The following EIF4A2 variants were observed in gnomAD, a reference collection of about 807,000 sequenced individuals.
EIF4A2 encodes eukaryotic initiation factor 4A-II.
A neutral mutation model predicts 50.6 loss-of-function variants in EIF4A2; 9 were observed. That is an observed-to-expected ratio of 0.18 (90% confidence interval 0.11 to 0.31). The LOEUF (loss-of-function observed/expected upper bound fraction) is 0.31, where lower values mean the gene tolerates loss of function less well. Ranked by LOEUF, EIF4A2 falls within the 10% of genes least tolerant of loss-of-function variation. The pLI is 1.00. For synonymous variants in EIF4A2, 215 were observed against 164.4 expected, an observed-to-expected ratio of 1.31 and a Z score of -2.35; for missense variants, 182 against 501.8, an observed-to-expected ratio of 0.36 and a Z score of 6.09.
At chr3:186,785,333 C>T (rs1049795827) in intron 4 of EIF4A2, 2 of 560,490 alleles carry the variant, frequency 3.6e-6, no homozygotes, top group Admixed American at 3.6e-5. Flanking sequence ...CTTGGATGTA[C>T]TAGATCTGTC....
chr3:186,784,426 C>T lies in EIF4A2; in HGVS notation c.30-6C>T, dbSNP rs777667562. On this transcript the variant is annotated splice_polypyrimidine_tract_variant and splice_region_variant and intron_variant, in intron 1 of 10. Transcript: ENST00000323963. ...GGGTGTCTGACTGCAGTATTCTTGT[C>T]AGCAGAGAACATGGCGGCCCAGAGG... 5 of 1,614,180 alleles carry T rather than the reference C, an allele frequency of 3.1e-6. No homozygotes were observed. Among genetic ancestry groups the T allele is most frequent in the Non-Finnish European group, 4.2e-6 (5 of 1,180,030 alleles).
In EIF4A2 at chr3:186,786,198, A is replaced by G. The variant is rs1191360840; in HGVS notation, c.552A>G (p.Glu184=). 3.1e-6 allele frequency: 5 copies of G among 1,613,978 alleles called. No individual in the cohort carries two copies. Among genetic ancestry groups the G allele is most frequent in the African/African-American group, 1.3e-5 (1 of 75,058 alleles). Reference sequence around the variant, plus strand: ...GGATCAAAATGTTTGTTTTGGATGAAGCAGATGAAATGTTGAGCCGTGGTT... The same window carrying G: ...GGATCAAAATGTTTGTTTTGGATGAGGCAGATGAAATGTTGAGCCGTGGTT... The part of the protein sequence containing the change: ...PKWIKMFVLD[E]ADEMLSRGFK... The change falls in exon 6 of 11, where the codon GAA becomes GAG. Residue 184 remains glutamate (E), a synonymous_variant. Transcript: ENST00000323963.
rs1721832097 is a variant in EIF4A2, at chr3:186,787,787, T to G, written c.1000-16T>G. 6.2e-7 allele frequency: 1 copy of G among 1,613,900 alleles called. No individual in the cohort carries two copies. Among genetic ancestry groups the G allele is most frequent in the Non-Finnish European group, 8.5e-7 (1 of 1,179,946 alleles). ...TTTTTTTGAATCAATTTTTAAAACA[T>G]GCCATTGTGTTTCAGGCTCGCGGGA... On this transcript the variant is annotated splice_polypyrimidine_tract_variant and intron_variant, in intron 9 of 10. Transcript: ENST00000323963.
In EIF4A2 at chr3:186,784,436, C is replaced by T; in HGVS notation, c.34C>T (p.His12Tyr). ...SGGSADYNRE[H>Y]GGPEGMDPDG... is the part of the protein sequence containing the mutation. ...CTGCAGTATTCTTGTCAGCAGAGAA[C>T]ATGGCGGCCCAGAGGGAATGGACCC... The change falls in exon 2 of 11, where the codon CAT (histidine) becomes TAT (tyrosine). Residue 12 changes from histidine (H) to tyrosine (Y), a missense_variant. His to Tyr is a moderately conservative substitution (Grantham distance 83, BLOSUM62 2). Coordinates refer to ENST00000323963, the MANE Select transcript of EIF4A2 (RefSeq NM_001967.4). 5 of 1,614,232 alleles carry T rather than the reference C, an allele frequency of 3.1e-6. No homozygotes were observed. Among genetic ancestry groups the T allele is most frequent in the Non-Finnish European group, 4.2e-6 (5 of 1,180,046 alleles).
chr3:186,789,725 T>TAAAAAAGCATTCAAA lies in EIF4A2; in HGVS notation c.*456_*457insAAAAAAGCATTCAAA, dbSNP rs1722003471. 1 of 407,712 alleles carries TAAAAAAGCATTCAAA rather than the reference T, an allele frequency of 2.5e-6. No individual in the cohort carries two copies. Among genetic ancestry groups the TAAAAAAGCATTCAAA allele is most frequent in the African/African-American group, 2.1e-5 (1 of 48,484 alleles). 25.3% of individuals were successfully genotyped at this position (407,712 alleles called of 1,614,324 possible). A position where few individuals can be genotyped will look rare whatever the true frequency, so the allele number is the denominator to read the frequency against. Reference sequence around the variant, plus strand: ...TTAGAAAGCATTTGAATGCATTTTGTTTGGTATTGTATTTATTCAATAAAG... The same window carrying TAAAAAAGCATTCAAA: ...TTAGAAAGCATTTGAATGCATTTTGTAAAAAAGCATTCAAATTGGTATTGTATTTATTCAATAAAG... On this transcript the variant is annotated 3_prime_UTR_variant, in exon 11 of 11. Coordinates refer to ENST00000323963, the MANE Select transcript of EIF4A2 (RefSeq NM_001967.4).
Position 186,789,195 on chromosome 3 carries a change from A to G in EIF4A2, c.1150A>G (p.Ile384Val). 1.9e-6 allele frequency: 3 copies of G among 1,613,722 alleles called. No individual in the cohort carries two copies. Among genetic ancestry groups the G allele is most frequent in the Non-Finnish European group, 2.5e-6 (3 of 1,179,808 alleles). The change falls in exon 11 of 11, where the codon ATT (isoleucine) becomes GTT (valine). Residue 384 changes from isoleucine to valine, a missense_variant. Physicochemically the swap from Ile to Val is conservative, Grantham distance 29. Around this residue, in one of 7 missense-constraint regions of EIF4A2, gnomAD observed 17 missense variants for 19.3 expected, o/e 0.88. Coordinates refer to ENST00000323963, the MANE Select transcript of EIF4A2 (RefSeq NM_001967.4). ...CTTTGTTACTGAAGAAGACAAGAGG[A>G]TTCTTCGTGACATTGAGACTTTCTA... ...INFVTEEDKR[I>V]LRDIETFYNT...
intron 10 of EIF4A2, chr3:186,788,317 T>TA (rs1283884788): frequency 7.7e-7 from 1 of 1,290,624 alleles, no homozygotes. Context: ...CAGGAGTCGA[T>TA]AGCAGCAGTT....
chr3:186,786,690 C>T (rs750374080), intron 7 of EIF4A2, 45 bp downstream of exon 7: 4 of 1,612,574 alleles, frequency 2.5e-6, no homozygotes, highest in South Asian at 1.1e-5. Flanking sequence ...CTTGTATAAG[C>T]ACTGTGCTAA....
chr3:186,784,812 A>G (rs1272427298), intron 3 of EIF4A2, 116 bp downstream of exon 3: 18 of 1,600,330 alleles, frequency 1.1e-5, no homozygotes, highest in Admixed American at 3.3e-5. Flanking sequence ...AATGATGGCA[A>G]TCATCTTTCG....
At chr3:186,787,455 C>T (rs1038119877) in intron 8 of EIF4A2, 40 bp from the exon 9 acceptor site, 13 of 1,611,988 alleles carry the variant, frequency 8.1e-6, no homozygotes, top group Non-Finnish European at 1.1e-5. Context: ...AAATACCGAC[C>T]TGACTGGTGA....
chr3:186,788,358 G>GA (rs1252817705), intron 10 of EIF4A2: 1 of 1,289,898 alleles, frequency 7.8e-7, no homozygotes, highest in Non-Finnish European at 1.0e-6. Flanking sequence ...AAACGGCGTT[G>GA]ACGTAATTTA....
intron 3 of EIF4A2, 115 bp downstream of exon 3, chr3:186,784,811 AATC>A (rs773986749): frequency 6.3e-7 from 1 of 1,599,298 alleles, no homozygotes; most frequent in Admixed American, 1.7e-5. Flanking sequence ...AAATGATGGC[AATC>A]ATCTTTCGGG....
Position 186,789,851 on chromosome 3 carries a change from G to C in EIF4A2, c.*582G>C. The C allele has an allele frequency of 1.4e-6, 1 of 726,806 alleles. No individual in the cohort carries two copies. The allele number at this position is 726,806 out of a possible 1,614,324, so 45.0% of individuals were successfully genotyped here. ...CCAGTAAAATTGCCATATTGCACAT[G>C]TCTTAATGAAGTTTGAATGTTAAAT... On this transcript the variant is annotated 3_prime_UTR_variant, in exon 11 of 11. Transcript: ENST00000323963.
chr3:186,788,268 CT>C (rs1237889532), intron 10 of EIF4A2: 33 of 1,283,066 alleles, frequency 2.6e-5, no homozygotes, highest in Non-Finnish European at 3.3e-5. Flanking sequence ...TTGAATTGTA[CT>C]TTGTTATATG....
Position 186,783,636 on chromosome 3 carries a change from A to G in EIF4A2, c.26A>G (p.Asn9Ser), listed in dbSNP as rs1418086849. The G allele has an allele frequency of 1.2e-6, 2 of 1,614,058 alleles. No individual in the cohort carries two copies. Among genetic ancestry groups the G allele is most frequent in the African/African-American group, 1.3e-5 (1 of 74,928 alleles). Residue 9 changes from asparagine to serine, a missense_variant, in exon 1 of 11, where the codon AAC (asparagine) becomes AGC (serine). Asn to Ser is a conservative substitution (Grantham distance 46, BLOSUM62 1). This residue lies in a region of EIF4A2 where 43 missense variants were observed against 22.2 expected (regional missense o/e 1.93). Transcript: ENST00000323963. Reference sequence around the variant, plus strand: ...ATGTCTGGTGGCTCCGCGGATTATAACAGGTATGCAGTCTGTTGGCGGTCG... The same window carrying G: ...ATGTCTGGTGGCTCCGCGGATTATAGCAGGTATGCAGTCTGTTGGCGGTCG... The part of the protein sequence containing the change: MSGGSADY[N>S]REHGGPEGMD...
intron 4 of EIF4A2, 53 bp downstream of exon 4, chr3:186,785,154 T>C: frequency 1.2e-6 from 2 of 1,602,838 alleles, no homozygotes; most frequent in Non-Finnish European, 1.7e-6. Flanking sequence ...AGGTTTCAGG[T>C]TTCACAACTG....
At chr3:186,784,333 G>A (rs574228755) in intron 1 of EIF4A2, 99 bp from the exon 2 acceptor site, 1 of 1,552,890 alleles carries the variant, frequency 6.4e-7, no homozygotes, top group African/African-American at 1.4e-5. Context: ...TTGTGCAGGG[G>A]AGGCTAACGT....
Position 186,789,869 on chromosome 3 carries a change from T to TGTTA in EIF4A2, c.*601_*604dup. ...TGCACATGTCTTAATGAAGTTTGAA[T>TGTTA]GTTAAATAAATTGTATATTCACTTT... On this transcript the variant is annotated 3_prime_UTR_variant, in exon 11 of 11. Transcript: ENST00000323963. The TGTTA allele has an allele frequency of 1.3e-6, 1 of 777,570 alleles. No homozygotes were observed. Among genetic ancestry groups the TGTTA allele is most frequent in the Non-Finnish European group, 2.1e-6 (1 of 479,658 alleles). The allele number at this position is 777,570 out of a possible 1,614,324, so 48.2% of individuals were successfully genotyped here. A position where few individuals can be genotyped will look rare whatever the true frequency, so the allele number is the denominator to read the frequency against.
At position 186,787,148 on chromosome 3, in the gene EIF4A2, T is replaced by A. The variant is rs1170283376; in HGVS notation, c.793T>A (p.Cys265Ser). ...EREEWKLDTL[C>S]DLYETLTITQ... is the part of the protein sequence containing the mutation. ...ACAGGAATGGAAGTTGGATACACTT[T>A]GTGACTTGTACGAGACACTGACCAT... Residue 265 changes from cysteine (C) to serine (S), a missense_variant, in exon 8 of 11, where the codon TGT becomes AGT. Cys to Ser is a moderately radical substitution (Grantham distance 112). This residue lies in a region of EIF4A2 where 113 missense variants were observed against 357.3 expected (regional missense o/e 0.32). Coordinates refer to ENST00000323963, the MANE Select transcript of EIF4A2 (RefSeq NM_001967.4). 6.2e-7 allele frequency: 1 copy of A among 1,613,904 alleles called. No homozygotes were observed. Among genetic ancestry groups the A allele is most frequent in the Non-Finnish European group, 8.5e-7 (1 of 1,179,978 alleles).
Sources: gnomAD v4.1 joint callset for allele counts on GRCh38, gnomAD v4.1.1 for gene constraint, gnomAD v4.1.1 regional missense constraint, MANE v1.5 for transcripts, NCBI Gene and HGNC (gene_info 2026-07-23, HGNC 2026-07-21) for gene names.